Variants in ERG observed in about 807,000 individuals in gnomAD.
ERG encodes transcriptional regulator ERG.
A neutral mutation model predicts 55.3 loss-of-function variants in ERG; 9 were observed. The observed-to-expected ratio is 0.16, with a 90% CI of 0.10 to 0.28. ERG has a LOEUF of 0.28. Ranked by LOEUF, ERG falls within the 10% of genes least tolerant of loss-of-function variation. ERG has a pLI of 1.00. For missense variants in ERG, 434 were observed against 631.6 expected (o/e 0.69, Z 3.35); for synonymous variants, 223 against 237.3 (o/e 0.94, Z 0.55).
At chr21:38,572,043 C>T (rs192469370) in intron 2 of ERG, among the ~76,000 whole-genome samples, 3 of 152,188 alleles carry the variant, frequency 2.0e-5, no homozygotes, top group Middle Eastern at 3.4e-3. Flanking sequence ...CAAAAGGAAC[C>T]ATTCATGTGC....
intron 2 of ERG, among the ~76,000 whole-genome samples, chr21:38,428,030 A>G (rs1989917174): frequency 6.6e-6 from 1 of 151,978 alleles, no homozygotes; most frequent in Non-Finnish European, 1.5e-5. Flanking sequence ...AAAAAATACA[A>G]AAATTAGTCG....
At chr21:38,403,831 C>G in intron 3 of ERG, 122 bp from the exon 4 acceptor site, 1 of 849,996 alleles carries the variant, frequency 1.2e-6, no homozygotes, top group Non-Finnish European at 1.9e-6. Context: ...CTCCAGCCAG[C>G]CTCCCTGGCT....
At chr21:38,651,933 C>T (rs4817954) in intron 1 of ERG, among the ~76,000 whole-genome samples, 38,429 of 152,060 alleles carry the variant, frequency 0.25, 5,362 homozygotes, top group East Asian at 0.37. Context: ...AATTAGAGCA[C>T]CTCCTGCAAA....
At chr21:38,581,832 AG>A (rs1439510773) in intron 1 of ERG, among the ~76,000 whole-genome samples, 1 of 152,132 alleles carries the variant, frequency 6.6e-6, no homozygotes, top group Non-Finnish European at 1.5e-5. Flanking sequence ...TCACGAGGTC[AG>A]GAGATCGAGA....
chr21:38,648,456 G>T (rs779261826), intron 1 of ERG, among the ~76,000 whole-genome samples: 11 of 152,218 alleles, frequency 7.2e-5, no homozygotes, highest in Non-Finnish European at 1.5e-4. Context: ...ATCTGAAAGG[G>T]TAATTTATGG....
intron 2 of ERG, among the ~76,000 whole-genome samples, chr21:38,575,010 T>C (rs2059986264): frequency 6.6e-6 from 1 of 152,174 alleles, no homozygotes; most frequent in Admixed American, 6.5e-5. Context: ...AGTGTCAAAA[T>C]AAATGGCCAG....
intron 1 of ERG, among the ~76,000 whole-genome samples, chr21:38,453,954 A>G (rs1165823361): frequency 6.6e-6 from 1 of 150,892 alleles, no homozygotes; most frequent in Non-Finnish European, 1.5e-5. Context: ...TTTGGAGATG[A>G]GCAAAAAGTA....
At chr21:38,652,336 T>C (rs1056925183) in intron 1 of ERG, among the ~76,000 whole-genome samples, 1 of 152,202 alleles carries the variant, frequency 6.6e-6, no homozygotes, top group African/African-American at 2.4e-5. Flanking sequence ...GATCTTCCTA[T>C]GGAATGGTGT....
intron 1 of ERG, among the ~76,000 whole-genome samples, chr21:38,591,889 T>C (rs2060102370): frequency 6.6e-6 from 1 of 152,220 alleles, no homozygotes; most frequent in Non-Finnish European, 1.5e-5. Flanking sequence ...AGGTTTATCT[T>C]ATTTGCTCAG....
intron 1 of ERG, among the ~76,000 whole-genome samples, chr21:38,577,704 G>A (rs191782072): frequency 6.6e-6 from 1 of 152,320 alleles, no homozygotes; most frequent in East Asian, 1.9e-4. Context: ...GGGTCATTCA[G>A]CCCGGAAGGG....
At position 38,411,405 on chromosome 21, in the gene ERG, C is replaced by A. The variant is rs145337932; in HGVS notation, c.389-7696G>T. ...TGATCTGGGCTCACTGCAACCTCTG[C>A]CTCCCAGGTTCAACTGCCTCAGCCT... On this transcript the variant is annotated intron_variant, in intron 3 of 9. Coordinates refer to ENST00000288319, the MANE Select transcript of ERG (RefSeq NM_182918.4). Among the ~76,000 whole-genome samples, 231 of 152,268 alleles carry A rather than the reference C, an allele frequency of 1.5e-3. 1 individual carries two copies. The highest frequency in any genetic ancestry group is 5.4e-3 in the African/African-American group (226 of 41,560).
intron 1 of ERG, among the ~76,000 whole-genome samples, chr21:38,618,084 G>GA (rs1170001240): frequency 1.3e-5 from 2 of 152,196 alleles, no homozygotes; most frequent in Admixed American, 1.3e-4. Flanking sequence ...TGGGAATGGG[G>GA]AGAGCAGAGC....
intron 1 of ERG, among the ~76,000 whole-genome samples, chr21:38,455,693 A>C (rs1277381220): frequency 1.3e-5 from 2 of 151,994 alleles, no homozygotes; most frequent in African/African-American, 4.8e-5. Flanking sequence ...GGCAAGCAAA[A>C]GATAGGGGCA....
intron 2 of ERG, among the ~76,000 whole-genome samples, chr21:38,557,581 G>A (rs2146829080): frequency 6.6e-6 from 1 of 152,184 alleles, no homozygotes; most frequent in African/African-American, 2.4e-5. Context: ...ATATGTGTAT[G>A]TTTTTTTAAA....
chr21:38,493,672 G>A (rs938362751), intron 1 of ERG, among the ~76,000 whole-genome samples: 2 of 152,138 alleles, frequency 1.3e-5, no homozygotes, highest in African/African-American at 4.8e-5. Context: ...CAGCAGCCTC[G>A]GCTCAGAACA....
intron 1 of ERG, among the ~76,000 whole-genome samples, chr21:38,476,484 G>A (rs1354858119): frequency 1.3e-5 from 2 of 152,150 alleles, no homozygotes; most frequent in African/African-American, 4.8e-5. Flanking sequence ...ATATCCCAGA[G>A]TAATCCACCC....
intron 1 of ERG, among the ~76,000 whole-genome samples, chr21:38,605,002 A>C (rs2060188254): frequency 6.6e-6 from 1 of 152,210 alleles, no homozygotes; most frequent in South Asian, 2.1e-4. Flanking sequence ...AACAATCTTC[A>C]GTGTTTCCTA....
intron 3 of ERG, among the ~76,000 whole-genome samples, chr21:38,411,742 A>T (rs1305234002): frequency 6.6e-6 from 1 of 152,224 alleles, no homozygotes; most frequent in Admixed American, 6.5e-5. Context: ...CTAGAAAAAA[A>T]ACTCTTGGTA....
chr21:38,555,782 G>A (rs920983737), intron 2 of ERG, among the ~76,000 whole-genome samples: 17 of 152,158 alleles, frequency 1.1e-4, no homozygotes, highest in South Asian at 6.2e-4. Context: ...TATTTGTACT[G>A]TCAAATTATA....
Sources: allele counts gnomAD v4.1 joint callset (sites outside exome capture counted in the v4.1 genomes callset), GRCh38; gene constraint gnomAD v4.1.1; transcripts MANE v1.5; gene names NCBI Gene and HGNC (gene_info 2026-07-23, HGNC 2026-07-21).